ACSS1: variants seen among roughly 807,000 people sequenced by gnomAD.
ACSS1 encodes acetyl-coenzyme A synthetase 2-like, mitochondrial.
ACSS1 carries 42 observed loss-of-function variants against 75.3 expected under a neutral mutation model. The ratio of observed to expected loss-of-function variants is 0.56; its 90% CI spans 0.44 to 0.72. The LOEUF is 0.72. ACSS1 is among the 30% of genes least tolerant of loss of function. The pLI is 0.00. For synonymous variants in ACSS1, 380 were observed against 376.8 expected, an observed-to-expected ratio of 1.01 and a Z score of -0.10; for missense variants, 782 against 935.7, an observed-to-expected ratio of 0.84 and a Z score of 2.14.
Position 25,007,203 on chromosome 20 carries a change from C to T in ACSS1, c.*559G>A. The T allele has an allele frequency of 8.2e-7, 1 of 1,217,652 alleles. No homozygotes were observed. Among genetic ancestry groups the T allele is most frequent in the Non-Finnish European group, 1.0e-6 (1 of 974,162 alleles). 75.4% of individuals were successfully genotyped at this position (1,217,652 alleles called of 1,614,324 possible). ...ACACTAACAATAATTAAAAATGTGG[C>T]CTCTGATCCTCATGTTTCCTCACCA... On this transcript the variant is annotated 3_prime_UTR_variant, in exon 14 of 14. Transcript: ENST00000323482.
intron 7 of ACSS1, among the ~76,000 whole-genome samples, chr20:25,015,988 G>A (rs2088509040): frequency 6.6e-6 from 1 of 152,204 alleles, no homozygotes; most frequent in African/African-American, 2.4e-5. Flanking sequence ...CACCAGAAGT[G>A]GCTATGTAAA....
intron 2 of ACSS1, chr20:25,046,998 G>C: frequency 1.3e-6 from 1 of 756,898 alleles, no homozygotes; most frequent in Non-Finnish European, 2.5e-6. Context: ...GGGGCCGAGG[G>C]GAGGAACGAG....
chr20:25,038,408 T>C (rs963133171), intron 2 of ACSS1, among the ~76,000 whole-genome samples: 13 of 152,130 alleles, frequency 8.5e-5, no homozygotes, highest in African/African-American at 2.7e-4. Flanking sequence ...AGACCAAATA[T>C]GAAGTTGCAG....
At chr20:25,053,820 T>G (rs2089208643) in intron 1 of ACSS1, among the ~76,000 whole-genome samples, 1 of 152,214 alleles carries the variant, frequency 6.6e-6, no homozygotes, top group African/African-American at 2.4e-5. Flanking sequence ...CACTCTTGCT[T>G]AAGAGTACAC....
intron 5 of ACSS1, 109 bp from the exon 6 acceptor site, chr20:25,021,645 G>C: frequency 7.2e-7 from 1 of 1,390,352 alleles, no homozygotes; most frequent in South Asian, 1.4e-5. Flanking sequence ...AGCTGTGAGA[G>C]GCAGCTGGCT....
chr20:25,020,069 T>C lies in ACSS1; in HGVS notation c.1187A>G (p.Lys396Arg), dbSNP rs749262567. ...CTTCTTCACCCAGGCATCACCGTAT[T>C]TCAGCAACAGCCGGACAGCCGTTGG... ...GAPTAVRLLL[K>R]YGDAWVKKYD... Residue 396 changes from lysine to arginine, a missense_variant, in exon 7 of 14, where the codon AAA becomes AGA. Coordinates refer to ENST00000323482, the MANE Select transcript of ACSS1 (RefSeq NM_032501.4). 7 of 1,614,236 alleles carry C rather than the reference T, an allele frequency of 4.3e-6. No individual in the cohort carries two copies. Among genetic ancestry groups the C allele is most frequent in the Non-Finnish European group, 5.9e-6 (7 of 1,180,046 alleles).
In ACSS1 at chr20:25,013,603, C is replaced by G; in HGVS notation, c.1512G>C (p.Pro504=). 6.2e-7 allele frequency: 1 copy of G among 1,610,628 alleles called. No individual in the cohort carries two copies. Among genetic ancestry groups the G allele is most frequent in the South Asian group, 1.1e-5 (1 of 90,984 alleles). The change falls in exon 10 of 14, where the codon CCG becomes CCC. Residue 504 remains proline (P), a synonymous_variant. Transcript: ENST00000323482. ...SGALCISQAW[P]GMARTIYGDH... ...CGCCATAGATGGTCCTGGCCATGCC[C>G]GGCCAGGCCTGGGAGATGCACAGGG...
chr20:25,030,586 A>G (rs1414206380), intron 3 of ACSS1, among the ~76,000 whole-genome samples, 173 bp downstream of exon 3: 1 of 152,218 alleles, frequency 6.6e-6, no homozygotes, highest in Non-Finnish European at 1.5e-5. Flanking sequence ...CTCAGATCTC[A>G]GCCCACAGAA....
intron 2 of ACSS1, among the ~76,000 whole-genome samples, chr20:25,040,254 G>T (rs532594353): frequency 1.3e-5 from 2 of 152,282 alleles, no homozygotes; most frequent in South Asian, 2.1e-4. Flanking sequence ...AGCCCATTCG[G>T]CTGCCACAGA....
chr20:25,047,312 C>A (rs2089109743), intron 2 of ACSS1, among the ~76,000 whole-genome samples: 1 of 152,170 alleles, frequency 6.6e-6, no homozygotes, highest in Non-Finnish European at 1.5e-5. Context: ...GATCCCTGCA[C>A]CAGGTCTGCC....
Position 25,057,845 on chromosome 20 carries a change from G to T in ACSS1, c.258C>A (p.Pro86=). Residue 86 remains proline, a synonymous_variant, in exon 1 of 14, where the codon CCC becomes CCA. Transcript: ENST00000323482. The part of the protein sequence containing the change: ...LARDTLVWDT[P]YHTVWDCDFS... ...AGTCGCAGTCCCAGACGGTGTGGTA[G>T]GGGGTGTCCCACACGAGAGTGTCCC... 2 of 1,612,214 alleles carry T rather than the reference G, an allele frequency of 1.2e-6. No homozygotes were observed. Among genetic ancestry groups the T allele is most frequent in the Non-Finnish European group, 1.7e-6 (2 of 1,179,268 alleles).
chr20:25,057,751 C>A lies in ACSS1; in HGVS notation c.334+18G>T. Reference sequence around the variant, plus strand: ...CCCAAGAGTTGGGGGCGTCCTGGGTCTCCCGAAGCCCACTCACCAGAGACA... The same window carrying A: ...CCCAAGAGTTGGGGGCGTCCTGGGTATCCCGAAGCCCACTCACCAGAGACA... On this transcript the variant is annotated intron_variant, in intron 1 of 13. Coordinates refer to ENST00000323482, the MANE Select transcript of ACSS1 (RefSeq NM_032501.4). 1 of 1,538,266 alleles carries A rather than the reference C, an allele frequency of 6.5e-7. No individual in the cohort carries two copies. The highest frequency in any genetic ancestry group is 1.2e-5 in the South Asian group (1 of 84,162).
rs1459420770 is a variant in ACSS1 at position 25,014,083 on chromosome 20, T to G, written c.1340-10A>C. ...CAGATGCCACCTGTTTCTGCAGGTA[T>G]GACAAGAAAGAAATGCATAATCGGC... On this transcript the variant is annotated splice_polypyrimidine_tract_variant and intron_variant, in intron 8 of 13. Coordinates refer to ENST00000323482, the MANE Select transcript of ACSS1 (RefSeq NM_032501.4). The G allele has an allele frequency of 6.3e-7, 1 of 1,596,080 alleles. No homozygotes were observed. Among genetic ancestry groups the G allele is most frequent in the African/African-American group, 1.3e-5 (1 of 74,602 alleles).
At chr20:25,021,305 C>T in intron 6 of ACSS1, 84 bp downstream of exon 6, 2 of 1,522,020 alleles carry the variant, frequency 1.3e-6, no homozygotes, top group East Asian at 2.3e-5. Flanking sequence ...GTCCCCCTTC[C>T]ATGAACCTCT....
At chr20:25,033,580 C>T (rs2122698234) in intron 2 of ACSS1, among the ~76,000 whole-genome samples, 1 of 152,356 alleles carries the variant, frequency 6.6e-6, no homozygotes, top group East Asian at 1.9e-4. Flanking sequence ...CCAGCTAACT[C>T]ACTTCAGTGA....
At position 25,030,891 on chromosome 20, in the gene ACSS1, G is replaced by A. The variant is rs1408743723; in HGVS notation, c.499C>T (p.Arg167Cys). Residue 167 changes from arginine to cysteine, a missense_variant, in exon 3 of 14, where the codon CGT (arginine) becomes TGT (cysteine). Coordinates refer to ENST00000323482, the MANE Select transcript of ACSS1 (RefSeq NM_032501.4). ...LKRHGVHRGDRVAIYMPVSPL... is the reference protein window; with the variant it reads ...LKRHGVHRGDCVAIYMPVSPL... Reference sequence around the variant, plus strand: ...GACACGGGCATGTAGATGGCAACACGGTCCCCACGGTGGACTCCATGCCTC... The same window carrying A: ...GACACGGGCATGTAGATGGCAACACAGTCCCCACGGTGGACTCCATGCCTC... 3.7e-6 allele frequency: 6 copies of A among 1,614,102 alleles called. No homozygotes were observed. In the East Asian group the frequency reaches 8.9e-5, roughly 24 times the overall value.
intron 2 of ACSS1, among the ~76,000 whole-genome samples, chr20:25,039,602 T>C (rs1270691400): frequency 3.3e-5 from 5 of 152,178 alleles, no homozygotes; most frequent in Admixed American, 1.3e-4. Context: ...ATTCAGTGTT[T>C]GGCTCCTCAT....
intron 1 of ACSS1, 21 bp downstream of exon 1, chr20:25,057,748 G>A: frequency 6.5e-7 from 1 of 1,537,570 alleles, no homozygotes; most frequent in South Asian, 1.2e-5. Context: ...GGGCGTCCTG[G>A]GTCTCCCGAA....
At chr20:25,051,590 C>T (rs755425061) in intron 1 of ACSS1, among the ~76,000 whole-genome samples, 5 of 152,212 alleles carry the variant, frequency 3.3e-5, no homozygotes, top group Non-Finnish European at 5.9e-5. Flanking sequence ...GTGATGCAGC[C>T]GCTGCTGGTC....
Sources: gnomAD v4.1 joint callset for allele counts (sites outside exome capture counted in the v4.1 genomes callset) on GRCh38, gnomAD v4.1.1 for gene constraint, MANE v1.5 for transcripts, NCBI Gene and HGNC (gene_info 2026-07-23, HGNC 2026-07-21) for gene names.